LONP2: variants seen among roughly 807,000 people sequenced by gnomAD.
LONP2 encodes the protein lon protease homolog 2, peroxisomal.
LONP2 carries 60 observed loss-of-function variants against 85.6 expected under a neutral mutation model. The ratio of observed to expected loss-of-function variants is 0.70; its 90% CI spans 0.57 to 0.87. LONP2 has a LOEUF of 0.87. LONP2 is among the 40% of genes least tolerant of loss of function. LONP2 has a pLI of 0.00. For synonymous variants in LONP2, 395 were observed against 389.7 expected, an observed-to-expected ratio of 1.01 and a Z score of -0.16; for missense variants, 860 against 1,063.5, an observed-to-expected ratio of 0.81 and a Z score of 2.66.
intron 2 of LONP2, among the ~76,000 whole-genome samples, chr16:48,255,312 G>A (rs931287393): frequency 3.9e-5 from 6 of 152,244 alleles, no homozygotes; most frequent in African/African-American, 4.8e-5. Flanking sequence ...GAAATGGGGC[G>A]CATCTCTCAT....
Position 48,362,423 on chromosome 16 carries a change from G to C in LONP2, c.*560G>C, listed in dbSNP as rs201030436. ...TAGGTAATGCTGTAGCAGTCTGACGGCTCATTTCTGAAATAAATACATAAG... is the reference window on the plus strand; with the variant it reads ...TAGGTAATGCTGTAGCAGTCTGACGCCTCATTTCTGAAATAAATACATAAG... On this transcript the variant is annotated 3_prime_UTR_variant, in exon 5 of 5. Transcript: ENST00000565867. The surrounding 1 kb of genome is among the most constrained non-coding windows in gnomAD (Gnocchi z 4.2). 2 of 1,613,894 alleles carry C rather than the reference G, an allele frequency of 1.2e-6. No individual in the cohort carries two copies. Among genetic ancestry groups the C allele is most frequent in the Non-Finnish European group, 8.5e-7 (1 of 1,179,912 alleles).
Position 48,355,406 on chromosome 16 carries a change from A to C in LONP2, c.*3604A>C, listed in dbSNP as rs1960304304. On this transcript the variant is annotated 3_prime_UTR_variant, in exon 15 of 15. Coordinates refer to ENST00000285737, the MANE Select transcript of LONP2 (RefSeq NM_031490.5). ...GCAACAGGCCCCGTCCTAGAAGCTG[A>C]GACTGGGCCCTCAATAGATGATACC... is the stretch of plus-strand genomic sequence containing the variant. 6.6e-6 allele frequency: 1 copy of C among 152,160 alleles called. No homozygotes were observed. Among genetic ancestry groups the C allele is most frequent in the Non-Finnish European group, 1.5e-5 (1 of 68,022 alleles). 9.4% of individuals were successfully genotyped at this position (152,160 alleles called of 1,614,324 possible). A position where few individuals can be genotyped will look rare whatever the true frequency, so the allele number is the denominator to read the frequency against.
chr16:48,360,981 T>G (rs970878386), downstream of LONP2: 2 of 152,180 alleles, frequency 1.3e-5, no homozygotes, highest in African/African-American at 4.8e-5. Flanking sequence ...TTATAAATTT[T>G]TTACCATAAA....
chr16:48,299,390 G>T (rs1331536946), intron 9 of LONP2, among the ~76,000 whole-genome samples: 1 of 151,798 alleles, frequency 6.6e-6, no homozygotes, highest in African/African-American at 2.4e-5. Context: ...TTTGAGACCA[G>T]CCTGGCCAAC....
chr16:48,329,760 T>G (rs1180409389), intron 11 of LONP2, among the ~76,000 whole-genome samples: 3 of 152,178 alleles, frequency 2.0e-5, no homozygotes, highest in Non-Finnish European at 4.4e-5. Context: ...TTTGAAAGAA[T>G]TTTCTCACAT....
Position 48,270,272 on chromosome 16 carries a change from C to T in LONP2, c.1239C>T (p.His413=). 1 of 1,613,480 alleles carries T rather than the reference C, an allele frequency of 6.2e-7. No homozygotes were observed. Among genetic ancestry groups the T allele is most frequent in the Non-Finnish European group, 8.5e-7 (1 of 1,179,560 alleles). The change falls in exon 7 of 15, where the codon CAC becomes CAT. Residue 413 remains histidine, a splice_region_variant and synonymous_variant. Coordinates refer to ENST00000285737, the MANE Select transcript of LONP2 (RefSeq NM_031490.5). ...GVCDQSDIRG[H]RRTYVGSMPG... Reference sequence around the variant, plus strand: ...GTGATCAGTCTGACATTCGAGGACACAGGTAGAACACTTCTCTCAGTTTAA... The same window carrying T: ...GTGATCAGTCTGACATTCGAGGACATAGGTAGAACACTTCTCTCAGTTTAA...
Position 48,332,487 on chromosome 16 carries a change from G to A in LONP2, c.1796-1729G>A, listed in dbSNP as rs146496502. ...AGCAGTTTGGGAGGCTGAGGTGGGC[G>A]GATCACCTGAGGTCAGGAGTTCGAG... On this transcript the variant is annotated intron_variant, in intron 11 of 14. Coordinates refer to ENST00000285737, the MANE Select transcript of LONP2 (RefSeq NM_031490.5). Among the ~76,000 whole-genome samples the A allele has an allele frequency of 1.6e-3, 250 of 151,576 alleles. 1 individual carries two copies. Among genetic ancestry groups the A allele is most frequent in the African/African-American group, 5.5e-3 (228 of 41,298 alleles).
chr16:48,349,966 A>G (rs1960088091), intron 14 of LONP2, among the ~76,000 whole-genome samples: 1 of 151,542 alleles, frequency 6.6e-6, no homozygotes, highest in Non-Finnish European at 1.5e-5. Context: ...CTATGAGGGA[A>G]AATGGGCCAG....
At chr16:48,360,740 T>A (rs1478539171), downstream of LONP2, 2 of 152,614 alleles carry the variant, frequency 1.3e-5, no homozygotes, top group South Asian at 4.1e-4. Context: ...AAAGCCTGAT[T>A]TGCAGTATTT....
intron 11 of LONP2, among the ~76,000 whole-genome samples, chr16:48,323,385 T>C (rs1414958546): frequency 1.3e-5 from 2 of 152,230 alleles, no homozygotes; most frequent in Non-Finnish European, 2.9e-5. Flanking sequence ...CCAGGTCCGT[T>C]GGCTCATGCC....
chr16:48,349,380 C>T (rs1960070537), intron 14 of LONP2, among the ~76,000 whole-genome samples: 1 of 152,142 alleles, frequency 6.6e-6, no homozygotes, highest in East Asian at 1.9e-4. Context: ...AAGTGATTCT[C>T]CTGCCTCAGT....
At chr16:48,309,372 G>A (rs144116120) in intron 11 of LONP2, among the ~76,000 whole-genome samples, 102 of 152,262 alleles carry the variant, frequency 6.7e-4, no homozygotes, top group African/African-American at 2.3e-3. Flanking sequence ...GATATAAAAA[G>A]TCTGTTTTAT....
At chr16:48,301,629 C>T (rs866001369) in intron 10 of LONP2, among the ~76,000 whole-genome samples, 6 of 151,468 alleles carry the variant, frequency 4.0e-5, no homozygotes, top group Non-Finnish European at 5.9e-5. Context: ...AGTGAGACTC[C>T]GTCTCAAAAA....
downstream of LONP2, among the ~76,000 whole-genome samples, chr16:48,358,301 AATG>A (rs1960450020): frequency 6.6e-6 from 1 of 152,242 alleles, no homozygotes; most frequent in Admixed American, 6.5e-5. Flanking sequence ...TCCAGAAAGC[AATG>A]ATGAAGTGTG....
intron 8 of LONP2, among the ~76,000 whole-genome samples, chr16:48,288,002 T>C (rs1324661279): frequency 6.6e-6 from 1 of 152,206 alleles, no homozygotes; most frequent in East Asian, 1.9e-4. Context: ...TATCACTTGT[T>C]CAGATGAAAT....
At chr16:48,351,507 A>G in intron 14 of LONP2, 74 bp from the exon 15 acceptor site, 1 of 1,207,040 alleles carries the variant, frequency 8.3e-7, no homozygotes, top group Non-Finnish European at 1.2e-6. Context: ...AATTCAGTGA[A>G]AGAAAGCTGG....
intron 4 of LONP2, 68 bp downstream of exon 4, chr16:48,258,808 A>G (rs1303407533): frequency 7.0e-6 from 10 of 1,437,986 alleles, no homozygotes; most frequent in Non-Finnish European, 9.3e-6. Flanking sequence ...AGGAACAAAG[A>G]AGAAAAGTTT....
intron 13 of LONP2, 25 bp from the exon 14 acceptor site, chr16:48,348,075 T>A (rs1373377893): frequency 6.4e-7 from 1 of 1,570,942 alleles, no homozygotes; most frequent in East Asian, 2.3e-5. Context: ...TTTTCTACAT[T>A]AAAGTCCCTT....
At position 48,244,584 on chromosome 16, in the gene LONP2, C is replaced by T. The variant is rs1239657268; in HGVS notation, c.196C>T (p.Pro66Ser). Residue 66 changes from proline (P) to serine (S), a missense_variant, in exon 1 of 15, where the codon CCC (proline) becomes TCC (serine). Around this residue, in one of 3 missense-constraint regions of LONP2, gnomAD observed 743 missense variants for 917.3 expected, o/e 0.81. Transcript: ENST00000285737. Reference sequence around the variant, plus strand: ...GGGCGTCATCCCCAACACGCCTGACCCCGCCAGCGACGCGCAGGACCTGCC... The same window carrying T: ...GGGCGTCATCCCCAACACGCCTGACTCCGCCAGCGACGCGCAGGACCTGCC... ...ILGVIPNTPD[P>S]ASDAQDLPPL... 8.0e-6 allele frequency: 12 copies of T among 1,500,206 alleles called. No homozygotes were observed. The highest frequency in any genetic ancestry group is 1.1e-5 in the Non-Finnish European group (12 of 1,127,462). The allele number at this position is 1,500,206 out of a possible 1,614,324, so 92.9% of individuals were successfully genotyped here.
Sources: gnomAD v4.1 joint callset for allele counts (sites outside exome capture counted in the v4.1 genomes callset) on GRCh38, gnomAD v4.1.1 for gene constraint, gnomAD v4.1.1 regional missense constraint, Gnocchi (gnomAD v3.1) non-coding constraint, MANE v1.5 for transcripts, NCBI Gene and HGNC (gene_info 2026-07-23, HGNC 2026-07-21) for gene names.